The following PPP1CB variants were observed in gnomAD, a reference collection of about 807,000 sequenced individuals.
PPP1CB encodes the protein serine/threonine-protein phosphatase PP1-beta catalytic subunit.
In PPP1CB, 2 loss-of-function variants were observed where a neutral mutation model predicts 43.7. The ratio of observed to expected loss-of-function variants is 0.05; its 90% CI spans 0.02 to 0.14. PPP1CB has a LOEUF of 0.14. Ranked by LOEUF, PPP1CB falls within the 10% of genes least tolerant of loss-of-function variation. The probability of loss-of-function intolerance (pLI) is 1.00; values close to 1 mark genes in which losing one functional copy is unlikely to be tolerated. For missense variants in PPP1CB, 84 were observed against 398.0 expected (o/e 0.21, Z 6.71); for synonymous variants, 136 against 135.6 (o/e 1.00, Z -0.02).
chr2:28,798,593 ATAT>A (rs1667543477), intron 7 of PPP1CB, among the ~76,000 whole-genome samples: 1 of 151,952 alleles, frequency 6.6e-6, no homozygotes, highest in Non-Finnish European at 1.5e-5. Flanking sequence ...AAAAGACCAC[ATAT>A]TATATGATGC....
chr2:28,756,469 T>G (rs1666490912), intron 1 of PPP1CB, among the ~76,000 whole-genome samples: 1 of 152,226 alleles, frequency 6.6e-6, no homozygotes, highest in South Asian at 2.1e-4. Flanking sequence ...ACAGGTATAG[T>G]ACTCTTAAGA....
chr2:28,801,075 G>C lies in PPP1CB; in HGVS notation c.*1772G>C, dbSNP rs1330447753. On this transcript the variant is annotated 3_prime_UTR_variant, in exon 8 of 8. Coordinates refer to ENST00000395366, the MANE Select transcript of PPP1CB (RefSeq NM_002709.3). ...CTGATTTTTTTTTTCCTTACAGTGA[G>C]ACATTTAAGCACACATTTTATTCAC... 5 of 152,010 alleles carry C rather than the reference G, an allele frequency of 3.3e-5. No homozygotes were observed. Among genetic ancestry groups the C allele is most frequent in the Admixed American group, 1.3e-4 (2 of 15,224 alleles). 9.4% of individuals were successfully genotyped at this position (152,010 alleles called of 1,614,324 possible). A position where few individuals can be genotyped will look rare whatever the true frequency, so the allele number is the denominator to read the frequency against.
intron 1 of PPP1CB, among the ~76,000 whole-genome samples, chr2:28,756,981 C>G (rs1666504342): frequency 6.6e-6 from 1 of 152,104 alleles, no homozygotes; most frequent in Admixed American, 6.6e-5. Flanking sequence ...CCACAGTGAA[C>G]TGTATAATAT....
At chr2:28,789,078 G>C (rs1325131874) in intron 6 of PPP1CB, among the ~76,000 whole-genome samples, 2 of 152,096 alleles carry the variant, frequency 1.3e-5, no homozygotes, top group Non-Finnish European at 2.9e-5. Context: ...TTGTTTTGAG[G>C]AAACATATCC....
rs1334968325 is a variant in PPP1CB, at chr2:28,784,928, A to AG, written c.592+950_592+951insG. ...GAGTGAAACTGTCTCAAAAAAAAAA[A>AG]AAAAAAGAAAAAAGAAACAACAATC... is the stretch of plus-strand genomic sequence containing the variant. On this transcript the variant is annotated intron_variant, in intron 5 of 7. Coordinates refer to ENST00000395366, the MANE Select transcript of PPP1CB (RefSeq NM_002709.3). Among the ~76,000 whole-genome samples the AG allele has an allele frequency of 7.7e-3, 922 of 120,516 alleles. 11 individuals carry two copies. Among genetic ancestry groups the AG allele is most frequent in the African/African-American group, 0.022 (808 of 37,466 alleles). 79.1% of individuals were successfully genotyped at this position (120,516 alleles called of 152,430 possible).
intron 6 of PPP1CB, among the ~76,000 whole-genome samples, chr2:28,789,765 A>C (rs1667348491): frequency 1.3e-5 from 2 of 151,330 alleles, no homozygotes; most frequent in Admixed American, 1.3e-4. Flanking sequence ...CGCCTGGCTC[A>C]TTTTTGTATT....
intron 1 of PPP1CB, among the ~76,000 whole-genome samples, chr2:28,755,909 A>G (rs1047269314): frequency 1.3e-5 from 2 of 152,158 alleles, no homozygotes; most frequent in Non-Finnish European, 2.9e-5. Flanking sequence ...AACTGTTTAG[A>G]ATTTGCTTTT....
At position 28,754,657 on chromosome 2, in the gene PPP1CB, A is replaced by T. The variant is rs560672751; in HGVS notation, c.52+2481A>T. On this transcript the variant is annotated intron_variant, in intron 1 of 7. Transcript: ENST00000395366. ...TTCCCAGATCCAGACCTGTTGAAAG[A>T]CTTGTCCAGAGCAGACTTGAATTTT... Among the ~76,000 whole-genome samples the T allele has an allele frequency of 3.3e-5, 5 of 152,300 alleles. No individual in the cohort carries two copies. The South Asian group carries it at 1.0e-3, about 32-fold the overall frequency.
chr2:28,776,787 T>C, intron 1 of PPP1CB, 64 bp from the exon 2 acceptor site: 1 of 1,502,006 alleles, frequency 6.7e-7, no homozygotes, highest in Non-Finnish European at 9.1e-7. Context: ...TGGGCATGAC[T>C]CTTTTTGAAA....
intron 6 of PPP1CB, among the ~76,000 whole-genome samples, chr2:28,792,633 A>G (rs944159147): frequency 6.6e-6 from 1 of 152,198 alleles, no homozygotes; most frequent in Non-Finnish European, 1.5e-5. Context: ...GAAAAGGTTC[A>G]TCTAAATTGT....
At chr2:28,757,820 G>A (rs530086160) in intron 1 of PPP1CB, among the ~76,000 whole-genome samples, 30 of 152,194 alleles carry the variant, frequency 2.0e-4, no homozygotes, top group African/African-American at 7.2e-4. Context: ...TTTGCTATCT[G>A]AATGCAGACC....
At chr2:28,760,388 C>T (rs1301586894) in intron 1 of PPP1CB, among the ~76,000 whole-genome samples, 2 of 152,004 alleles carry the variant, frequency 1.3e-5, no homozygotes, top group African/African-American at 4.8e-5. Context: ...ATACATTGTG[C>T]CTTTTCTGTG....
rs574629884 is a variant in PPP1CB, at chr2:28,771,034, C to T, written c.53-5817C>T. 2.9e-3 allele frequency among the ~76,000 whole-genome samples: 330 copies of T among 114,842 alleles called. 5 individuals are homozygous for T. The highest frequency in any genetic ancestry group is 9.5e-3 in the African/African-American group (309 of 32,692). 75.3% of individuals were successfully genotyped at this position (114,842 alleles called of 152,430 possible). A position where few individuals can be genotyped will look rare whatever the true frequency, so the allele number is the denominator to read the frequency against. ...TTCTGTCTAGACTTACCTACTTATT[C>T]CCTGCTCCCCCCCCCCCACCCTTTT... On this transcript the variant is annotated intron_variant, in intron 1 of 7. Coordinates refer to ENST00000395366, the MANE Select transcript of PPP1CB (RefSeq NM_002709.3).
At chr2:28,794,807 C>T (rs913030265) in intron 7 of PPP1CB, among the ~76,000 whole-genome samples, 2 of 152,002 alleles carry the variant, frequency 1.3e-5, no homozygotes, top group African/African-American at 4.8e-5. Context: ...ACATTGTATA[C>T]CATGTACGGG....
intron 1 of PPP1CB, among the ~76,000 whole-genome samples, chr2:28,775,907 C>T (rs1667029304): frequency 6.6e-6 from 1 of 152,286 alleles, no homozygotes; most frequent in African/African-American, 2.4e-5. Context: ...AAAGATGCCT[C>T]ACTCCATCTA....
intron 5 of PPP1CB, among the ~76,000 whole-genome samples, chr2:28,785,365 C>T (rs924208783): frequency 6.6e-6 from 1 of 152,026 alleles, no homozygotes; most frequent in Non-Finnish European, 1.5e-5. Flanking sequence ...TGAGCCACCA[C>T]ACCTGGCCTG....
chr2:28,775,504 C>G (rs1288164896), intron 1 of PPP1CB, among the ~76,000 whole-genome samples: 2 of 152,058 alleles, frequency 1.3e-5, no homozygotes, highest in African/African-American at 2.4e-5. Flanking sequence ...ACCTCTTGGC[C>G]TCAAGCAATT....
At chr2:28,769,767 T>G (rs1666862390) in intron 1 of PPP1CB, among the ~76,000 whole-genome samples, 1 of 152,104 alleles carries the variant, frequency 6.6e-6, no homozygotes, top group South Asian at 2.1e-4. Context: ...AAAAGTGTAT[T>G]TGTAATCTCT....
At chr2:28,781,938 C>T (rs1197645609) in intron 4 of PPP1CB, 96 bp downstream of exon 4, 1 of 848,708 alleles carries the variant, frequency 1.2e-6, no homozygotes, top group Non-Finnish European at 2.0e-6. Context: ...CAAAGCAGTG[C>T]TTGTATGAAA....
Sources: gnomAD v4.1 joint callset for allele counts (sites outside exome capture counted in the v4.1 genomes callset) on GRCh38, gnomAD v4.1.1 for gene constraint, MANE v1.5 for transcripts, NCBI Gene and HGNC (gene_info 2026-07-23, HGNC 2026-07-21) for gene names.